The following NUP93 variants were observed in gnomAD, a reference collection of about 807,000 sequenced individuals.
NUP93 encodes nuclear pore complex protein Nup93.
In NUP93, 55 loss-of-function variants were observed where a neutral mutation model predicts 107.8. The ratio of observed to expected loss-of-function variants is 0.51; its 90% CI spans 0.41 to 0.64. The LOEUF (loss-of-function observed/expected upper bound fraction) is 0.64. NUP93 is among the 30% of genes least tolerant of loss of function. NUP93 has a pLI of 0.00. For missense variants in NUP93, 937 were observed against 1,044.7 expected (o/e 0.90, Z 1.42); for synonymous variants, 390 against 397.5 (o/e 0.98, Z 0.22).
rs758663440 is a variant in NUP93, at chr16:56,823,727, C to T, written c.675C>T (p.Thr225=). ...LDDKSISDMW[T]MVKQMTDVLL... ...TGCAGAGCATTTCCGACATGTGGAC[C>T]ATGGTAAAACAAATGACAGACGTGT... The change falls in exon 8 of 22, where the codon ACC becomes ACT. Residue 225 remains threonine, a synonymous_variant. Coordinates refer to ENST00000308159, the MANE Select transcript of NUP93 (RefSeq NM_014669.5). The T allele has an allele frequency of 3.1e-6, 5 of 1,613,970 alleles. No homozygotes were observed. The highest frequency in any genetic ancestry group is 1.7e-6 in the Non-Finnish European group (2 of 1,179,994).
At chr16:56,807,638 G>A (rs1963171025) in intron 5 of NUP93, among the ~76,000 whole-genome samples, 1 of 152,162 alleles carries the variant, frequency 6.6e-6, no homozygotes, top group Non-Finnish European at 1.5e-5. Context: ...ATTATGTTAA[G>A]TAGCCCTTTT....
rs1386135353 is a variant in NUP93, at chr16:56,844,629, T to G, written c.*20T>G. 1 of 1,549,438 alleles carries G rather than the reference T, an allele frequency of 6.5e-7. No homozygotes were observed. The highest frequency in any genetic ancestry group is 8.8e-7 in the Non-Finnish European group (1 of 1,135,780). Reference sequence around the variant, plus strand: ...AATTAAGTGCCATGCTTTGTGGGAGTCTGGGTCGGCACACTGTCAGTACAT... The same window carrying G: ...AATTAAGTGCCATGCTTTGTGGGAGGCTGGGTCGGCACACTGTCAGTACAT... On this transcript the variant is annotated 3_prime_UTR_variant, in exon 22 of 22. Transcript: ENST00000308159.
chr16:56,796,750 G>C (rs145521895), intron 3 of NUP93, among the ~76,000 whole-genome samples: 3 of 151,984 alleles, frequency 2.0e-5, no homozygotes, highest in African/African-American at 4.8e-5. Context: ...AGGCCAAGGC[G>C]GTTGGATCAC....
chr16:56,840,874 G>A (rs1567414897), intron 20 of NUP93, among the ~76,000 whole-genome samples: 1 of 152,028 alleles, frequency 6.6e-6, no homozygotes, highest in Non-Finnish European at 1.5e-5. Flanking sequence ...ACGCATACCT[G>A]TAGTCCCAGC....
intron 1 of NUP93, among the ~76,000 whole-genome samples, chr16:56,736,324 T>C (rs780714538): frequency 2.0e-5 from 3 of 152,206 alleles, no homozygotes; most frequent in Non-Finnish European, 4.4e-5. Context: ...CAAAGCGAGA[T>C]TCCATCTCAA....
chr16:56,791,455 C>T (rs140678441), intron 3 of NUP93, among the ~76,000 whole-genome samples: 1 of 152,238 alleles, frequency 6.6e-6, no homozygotes, highest in Non-Finnish European at 1.5e-5. Context: ...GTTTTTTTCA[C>T]AAAGGCCCTT....
chr16:56,839,457 C>T lies in NUP93; in HGVS notation c.2137-64C>T, dbSNP rs376325046. On this transcript the variant is annotated intron_variant, in intron 19 of 21. Transcript: ENST00000308159. Reference sequence around the variant, plus strand: ...TGGAGTATGTGAGGTGCTGACTTTACATGTAGAGAGATGAAATGACTGTGA... The same window carrying T: ...TGGAGTATGTGAGGTGCTGACTTTATATGTAGAGAGATGAAATGACTGTGA... 2.2e-5 allele frequency: 29 copies of T among 1,347,860 alleles called. No individual in the cohort carries two copies. The African/African-American group carries it at 3.6e-4, about 17-fold the overall frequency. 83.5% of individuals were successfully genotyped at this position (1,347,860 alleles called of 1,614,324 possible). A position where few individuals can be genotyped will look rare whatever the true frequency, so the allele number is the denominator to read the frequency against.
chr16:56,747,319 T>G (rs1248573327), intron 1 of NUP93, among the ~76,000 whole-genome samples: 1 of 152,220 alleles, frequency 6.6e-6, no homozygotes, highest in Non-Finnish European at 1.5e-5. Context: ...TGGTGCTACT[T>G]TTTATTTTCT....
chr16:56,751,224 C>G (rs1393400150), intron 2 of NUP93, among the ~76,000 whole-genome samples: 1 of 152,120 alleles, frequency 6.6e-6, no homozygotes, highest in Non-Finnish European at 1.5e-5. Flanking sequence ...ACTTTGTCAT[C>G]CAACGTAACC....
intron 3 of NUP93, among the ~76,000 whole-genome samples, chr16:56,770,365 T>A (rs1180122145): frequency 6.6e-6 from 1 of 152,218 alleles, no homozygotes; most frequent in African/African-American, 2.4e-5. Flanking sequence ...TTTCACCATC[T>A]TCTTTCACAG....
chr16:56,812,885 A>G (rs1963346578), intron 5 of NUP93, among the ~76,000 whole-genome samples: 1 of 152,250 alleles, frequency 6.6e-6, no homozygotes, highest in African/African-American at 2.4e-5. Context: ...AGCATGAGGA[A>G]GAACTTCCCT....
chr16:56,793,921 C>T (rs753543043), intron 3 of NUP93, among the ~76,000 whole-genome samples: 3 of 151,908 alleles, frequency 2.0e-5, no homozygotes, highest in South Asian at 2.1e-4. Flanking sequence ...GGTGTGGTGG[C>T]GTGTGCCTGT....
At chr16:56,801,192 G>A (rs1311323671) in intron 4 of NUP93, among the ~76,000 whole-genome samples, 1 of 152,064 alleles carries the variant, frequency 6.6e-6, no homozygotes, top group Middle Eastern at 3.2e-3. Context: ...TATTAGTTGA[G>A]CAGTTCTGTT....
chr16:56,844,729 T>A lies in NUP93; in HGVS notation c.*120T>A. 6.7e-6 allele frequency: 3 copies of A among 445,086 alleles called. No homozygotes were observed. The Middle Eastern group carries it at 1.3e-3, about 187-fold the overall frequency. 27.6% of individuals were successfully genotyped at this position (445,086 alleles called of 1,614,324 possible). A position where few individuals can be genotyped will look rare whatever the true frequency, so the allele number is the denominator to read the frequency against. On this transcript the variant is annotated 3_prime_UTR_variant, in exon 22 of 22. Coordinates refer to ENST00000308159, the MANE Select transcript of NUP93 (RefSeq NM_014669.5). ...GTTTTGTTTTGGTTTCTGTATTATG[T>A]ATTTTTGTCAACGCCAATAAATTTC...
rs905619182 is a variant in NUP93, at chr16:56,828,036, C to G, written c.795-941C>G. 2.0e-5 allele frequency among the ~76,000 whole-genome samples: 3 copies of G among 151,920 alleles called. No individual in the cohort carries two copies. In the South Asian group the frequency reaches 6.2e-4, roughly 32 times the overall value. Reference sequence around the variant, plus strand: ...TTGGGAGGCTGAGACAAGAGAAATGCTTGAAAACCCAGGAGGCAGAGGTTG... The same window carrying G: ...TTGGGAGGCTGAGACAAGAGAAATGGTTGAAAACCCAGGAGGCAGAGGTTG... On this transcript the variant is annotated intron_variant, in intron 8 of 21. Coordinates refer to ENST00000308159, the MANE Select transcript of NUP93 (RefSeq NM_014669.5).
chr16:56,808,891 C>T (rs1243484115), intron 5 of NUP93, among the ~76,000 whole-genome samples: 18 of 150,002 alleles, frequency 1.2e-4, no homozygotes, highest in Non-Finnish European at 1.5e-5. Context: ...TATTAAAGCA[C>T]CCTGTCCCCA....
chr16:56,813,996 G>A (rs1963368203), intron 5 of NUP93, among the ~76,000 whole-genome samples: 1 of 152,108 alleles, frequency 6.6e-6, no homozygotes, highest in Admixed American at 6.5e-5. Flanking sequence ...TTTCCCAGTA[G>A]TACTGGACTT....
At chr16:56,750,561 T>C (rs1388954482) in intron 2 of NUP93, among the ~76,000 whole-genome samples, 1 of 152,242 alleles carries the variant, frequency 6.6e-6, no homozygotes, top group African/African-American at 2.4e-5. Context: ...GTTTGATCTT[T>C]TACAATTGTT....
At chr16:56,801,248 T>G (rs1051322240) in intron 4 of NUP93, among the ~76,000 whole-genome samples, 5 of 152,200 alleles carry the variant, frequency 3.3e-5, no homozygotes, top group Non-Finnish European at 7.3e-5. Flanking sequence ...TCTTTGCACT[T>G]TAGTTCAATG....
Sources: allele counts gnomAD v4.1 joint callset (sites outside exome capture counted in the v4.1 genomes callset), GRCh38; gene constraint gnomAD v4.1.1; transcripts MANE v1.5; gene names NCBI Gene and HGNC (gene_info 2026-07-23, HGNC 2026-07-21).